The following UGGT1 variants were observed in gnomAD, a reference collection of about 807,000 sequenced individuals.
UGGT1 encodes the protein UDP-glucose glycoprotein glucosyltransferase 1.
Under a neutral mutation model 203.9 loss-of-function variants are expected in UGGT1, and 107 were observed. The observed-to-expected ratio is 0.52, with a 90% CI of 0.45 to 0.62. UGGT1 has a LOEUF of 0.62. Among genes scored for constraint, UGGT1 ranks in the 20% least tolerant of loss-of-function variants. The probability of loss-of-function intolerance (pLI) is 0.00; values close to 1 mark genes in which losing one functional copy is unlikely to be tolerated. For synonymous variants in UGGT1, 628 were observed against 653.5 expected, an observed-to-expected ratio of 0.96 and a Z score of 0.59; for missense variants, 1,673 against 1,867.2, an observed-to-expected ratio of 0.90 and a Z score of 1.92.
chr2:128,120,725 A>G (rs964748185), intron 9 of UGGT1, among the ~76,000 whole-genome samples: 4 of 152,226 alleles, frequency 2.6e-5, no homozygotes, highest in African/African-American at 9.7e-5. Flanking sequence ...AGCAGGTCAT[A>G]GTCCTAAGTT....
Position 128,116,346 on chromosome 2 carries a change from A to G in UGGT1, c.872+3A>G. The G allele has an allele frequency of 6.3e-7, 1 of 1,589,904 alleles. No individual in the cohort carries two copies. Among genetic ancestry groups the G allele is most frequent in the Non-Finnish European group, 8.6e-7 (1 of 1,159,512 alleles). On this transcript the variant is annotated splice_donor_region_variant and intron_variant, in intron 8 of 40. Transcript: ENST00000259253. Reference sequence around the variant, plus strand: ...GGGTTCCTCTTTGGAAAATTAAGGTATGTATGTTCTGTGTATTTTGGGAAA... The same window carrying G: ...GGGTTCCTCTTTGGAAAATTAAGGTGTGTATGTTCTGTGTATTTTGGGAAA...
chr2:128,142,828 A>G (rs1239543607), intron 16 of UGGT1, among the ~76,000 whole-genome samples: 5 of 148,674 alleles, frequency 3.4e-5, no homozygotes, highest in Admixed American at 3.3e-4. Context: ...CTAAAAATAC[A>G]AAAAATTAGC....
chr2:128,116,177 T>G (rs1459772832), intron 7 of UGGT1, 88 bp from the exon 8 acceptor site: 1 of 811,610 alleles, frequency 1.2e-6, no homozygotes, highest in East Asian at 2.6e-5. Flanking sequence ...TTCACATTAT[T>G]CAATTTTATG....
intron 19 of UGGT1, among the ~76,000 whole-genome samples, chr2:128,153,597 T>TA (rs1690085540): frequency 6.6e-6 from 1 of 152,240 alleles, no homozygotes; most frequent in Non-Finnish European, 1.5e-5. Flanking sequence ...ACATTTCATA[T>TA]AATTGGAAGC....
In UGGT1 at chr2:128,174,870, T is replaced by G; in HGVS notation, c.3539+12T>G. 1 of 1,606,362 alleles carries G rather than the reference T, an allele frequency of 6.2e-7. No homozygotes were observed. The highest frequency in any genetic ancestry group is 2.2e-5 in the East Asian group (1 of 44,706). ...TATAGAATTTACAGGTAGGAGTAAG[T>G]GATGCAGTTACATTATCCCAGAACT... On this transcript the variant is annotated intron_variant, in intron 31 of 40. Transcript: ENST00000259253.
chr2:128,187,589 G>T lies in UGGT1; in HGVS notation c.4617G>T (p.Glu1539Asp). The T allele has an allele frequency of 6.2e-7, 1 of 1,613,340 alleles. No individual in the cohort carries two copies. Among genetic ancestry groups the T allele is most frequent in the African/African-American group, 1.3e-5 (1 of 75,024 alleles). Residue 1539 changes from glutamate to aspartate, a missense_variant, in exon 40 of 41, where the codon GAG becomes GAT. Physicochemically the swap from Glu to Asp is conservative, Grantham distance 45. This residue lies in a region of UGGT1 where 513 missense variants were observed against 684.1 expected (regional missense o/e 0.75). Coordinates refer to ENST00000259253, the MANE Select transcript of UGGT1 (RefSeq NM_020120.4). ...KEKETGALYK[E>D]KTKEPSREGP... The stretch of plus-strand genomic sequence containing the variant: ...AAGAAACGGGAGCACTGTACAAAGA[G>T]AAGACAAAAGAACCAAGCCGAGAAG...
chr2:128,187,726 C>A, intron 40 of UGGT1, 112 bp downstream of exon 40: 1 of 1,199,880 alleles, frequency 8.3e-7, no homozygotes. Flanking sequence ...TCCTATTAAT[C>A]CTTCCATTCT....
At position 128,155,583 on chromosome 2, in the gene UGGT1, G is replaced by A; in HGVS notation, c.2232G>A (p.Lys744=). 1.2e-6 allele frequency: 2 copies of A among 1,609,928 alleles called. No homozygotes were observed. Among genetic ancestry groups the A allele is most frequent in the Non-Finnish European group, 1.7e-6 (2 of 1,178,528 alleles). Residue 744 remains lysine, a synonymous_variant, in exon 20 of 41, where the codon AAG becomes AAA. Coordinates refer to ENST00000259253, the MANE Select transcript of UGGT1 (RefSeq NM_020120.4). ...AVANSMNYLT[K]KGMSSKEIYD... ...CCAATAGTATGAACTATCTGACAAA[G>A]AAAGGTAATCCATTTGAGGCTTATT...
At chr2:128,102,518 T>C (rs1687426608) in intron 2 of UGGT1, among the ~76,000 whole-genome samples, 1 of 152,106 alleles carries the variant, frequency 6.6e-6, no homozygotes, top group African/African-American at 2.4e-5. Flanking sequence ...AACAAAAATA[T>C]GCTGTAAAAA....
At chr2:128,127,474 C>A (rs777057488) in intron 12 of UGGT1, 22 bp downstream of exon 12, 11 of 1,569,684 alleles carry the variant, frequency 7.0e-6, no homozygotes, top group Middle Eastern at 1.7e-4. Flanking sequence ...ATTTTTCATT[C>A]TCTGAAAAGT....
chr2:128,183,937 T>TGTGTGTGTGA (rs151153786), intron 38 of UGGT1, 148 bp downstream of exon 38: 4,062 of 326,996 alleles, frequency 0.012, 26 homozygotes, highest in Non-Finnish European at 0.016. Flanking sequence ...TGTGTGTGTG[T>TGTGTGTGTGA]GAGAGAGAGA....
Position 128,091,207 on chromosome 2 carries a change from CA to C in UGGT1, c.-149del. On this transcript the variant is annotated 5_prime_UTR_variant, in exon 1 of 41. Transcript: ENST00000259253. Reference sequence around the variant, plus strand: ...AGTAAAAGGGCGGCCGGCAGCTGGGCAATTGCTTTGCGAGGCTGGGTGTTGA... The same window carrying C: ...AGTAAAAGGGCGGCCGGCAGCTGGGCATTGCTTTGCGAGGCTGGGTGTTGA... 1.2e-6 allele frequency: 1 copy of C among 840,368 alleles called. No homozygotes were observed. The highest frequency in any genetic ancestry group is 1.7e-6 in the Non-Finnish European group (1 of 573,784). The allele number at this position is 840,368 out of a possible 1,614,324, so 52.1% of individuals were successfully genotyped here.
intron 2 of UGGT1, among the ~76,000 whole-genome samples, chr2:128,098,910 G>A (rs1268245185): frequency 6.6e-6 from 1 of 152,164 alleles, no homozygotes; most frequent in Non-Finnish European, 1.5e-5. Context: ...AATATAATGA[G>A]ATACCTGTCT....
Position 128,169,048 on chromosome 2 carries a change from TAAAAAAAAAAA to T in UGGT1, c.2922-1207_2922-1197del, listed in dbSNP as rs544381740. Among the ~76,000 whole-genome samples the T allele has an allele frequency of 5.5e-3, 290 of 52,490 alleles. 7 individuals are homozygous for T. The highest frequency in any genetic ancestry group is 0.029 in the East Asian group (48 of 1,666). 34.4% of individuals were successfully genotyped at this position (52,490 alleles called of 152,430 possible). ...GGGTGAATGAGCGAGACTCTGTCTT[TAAAAAAAAAAA>T]AAAAAAAAAAAAAAAAAAAAAAAAA... On this transcript the variant is annotated intron_variant, in intron 26 of 40. Transcript: ENST00000259253.
In UGGT1 at chr2:128,145,869, C is replaced by A. The variant is rs1378609200; in HGVS notation, c.1918C>A (p.Pro640Thr). 6.2e-7 allele frequency: 1 copy of A among 1,613,850 alleles called. No individual in the cohort carries two copies. Among genetic ancestry groups the A allele is most frequent in the African/African-American group, 1.3e-5 (1 of 74,890 alleles). ...PLPVVLFNGMPFEREQLDPDE... is the reference protein window; with the variant it reads ...PLPVVLFNGMTFEREQLDPDE... ...GCCCGTTGTGCTGTTCAATGGAATGCCCTTTGAAAGGGAACAGCTAGACCC... is the reference window on the plus strand; with the variant it reads ...GCCCGTTGTGCTGTTCAATGGAATGACCTTTGAAAGGGAACAGCTAGACCC... Residue 640 changes from proline (P) to threonine (T), a missense_variant, in exon 18 of 41, where the codon CCC becomes ACC. Physicochemically the swap from Pro to Thr is conservative, Grantham distance 38. Around this residue, in one of 4 missense-constraint regions of UGGT1, gnomAD observed 1,073 missense variants for 1,078.7 expected, o/e 0.99. Transcript: ENST00000259253.
At chr2:128,123,599 C>T (rs1295548810) in intron 11 of UGGT1, among the ~76,000 whole-genome samples, 2 of 152,142 alleles carry the variant, frequency 1.3e-5, no homozygotes, top group Non-Finnish European at 2.9e-5. Context: ...ATATATTGGC[C>T]TCCTATTTAA....
intron 5 of UGGT1, among the ~76,000 whole-genome samples, chr2:128,111,882 G>A (rs1687871487): frequency 1.3e-5 from 2 of 151,874 alleles, no homozygotes; most frequent in Admixed American, 1.3e-4. Flanking sequence ...GCTTACGCCT[G>A]TAATCCCAGA....
rs560410334 is a variant in UGGT1 at position 128,141,461 on chromosome 2, T to C, written c.1720-1633T>C. Among the ~76,000 whole-genome samples, 188 of 151,758 alleles carry C rather than the reference T, an allele frequency of 1.2e-3. 1 individual carries two copies. The highest frequency in any genetic ancestry group is 4.1e-3 in the African/African-American group (169 of 41,440). ...CTATTAAAAATTAAAAAAAATTAAA[T>C]GGGCGTGGTGGCAGGCGCCTGTGGT... On this transcript the variant is annotated intron_variant, in intron 16 of 40. Coordinates refer to ENST00000259253, the MANE Select transcript of UGGT1 (RefSeq NM_020120.4).
intron 1 of UGGT1, among the ~76,000 whole-genome samples, chr2:128,095,580 C>T (rs1687085502): frequency 6.6e-6 from 1 of 151,902 alleles, no homozygotes; most frequent in Non-Finnish European, 1.5e-5. Context: ...CATGGACCTC[C>T]TAGGCCCAAG....
Sources: gnomAD v4.1 joint callset for allele counts (sites outside exome capture counted in the v4.1 genomes callset) on GRCh38, gnomAD v4.1.1 for gene constraint, gnomAD v4.1.1 regional missense constraint, MANE v1.5 for transcripts, NCBI Gene and HGNC (gene_info 2026-07-23, HGNC 2026-07-21) for gene names.